Variants in AGBL4 observed in about 807,000 individuals in gnomAD.
AGBL4 encodes the protein cytosolic carboxypeptidase 6.
AGBL4 carries 58 observed loss-of-function variants against 66.4 expected under a neutral mutation model. That is an observed-to-expected ratio of 0.87 (90% CI 0.71 to 1.09). The LOEUF is 1.09. Among genes scored for constraint, AGBL4 ranks in the 50% least tolerant of loss-of-function variants. AGBL4 has a pLI of 0.00. For missense variants in AGBL4, 579 were observed against 631.0 expected (o/e 0.92, Z 0.88); for synonymous variants, 234 against 222.9 (o/e 1.05, Z -0.44).
At chr1:49,465,252 C>CAT in intron 3 of AGBL4, among the ~76,000 whole-genome samples, 1 of 151,164 alleles carries the variant, frequency 6.6e-6, no homozygotes, top group Non-Finnish European at 1.5e-5. Flanking sequence ...CACACACACA[C>CAT]ACACACACAC....
intron 11 of AGBL4, chr1:48,585,384 A>T (rs562050172): frequency 9.0e-4 from 137 of 152,334 alleles, no homozygotes; most frequent in African/African-American, 3.1e-3. Context: ...CCATAATATT[A>T]TGGGAGAGCA....
intron 2 of AGBL4, among the ~76,000 whole-genome samples, chr1:49,799,598 A>G (rs1308898076): frequency 6.6e-6 from 1 of 152,136 alleles, no homozygotes; most frequent in Non-Finnish European, 1.5e-5. Context: ...AGACAGATAC[A>G]TAGTAGAAAG....
At chr1:49,785,812 G>A (rs1381471751) in intron 2 of AGBL4, among the ~76,000 whole-genome samples, 2 of 150,114 alleles carry the variant, frequency 1.3e-5, no homozygotes, top group African/African-American at 2.5e-5. Context: ...AAAAATGAGC[G>A]TTGTCATTAC....
chr1:49,868,466 C>T (rs1250750485), intron 1 of AGBL4, among the ~76,000 whole-genome samples: 2 of 152,078 alleles, frequency 1.3e-5, no homozygotes, highest in Non-Finnish European at 2.9e-5. Context: ...CATCAACAAC[C>T]ATCTGATCTG....
chr1:48,725,717 T>G (rs945180849), intron 6 of AGBL4, among the ~76,000 whole-genome samples: 13 of 152,184 alleles, frequency 8.5e-5, no homozygotes, highest in African/African-American at 3.1e-4. Flanking sequence ...TTATTTAACC[T>G]TTTTTGAGCC....
intron 1 of AGBL4, among the ~76,000 whole-genome samples, chr1:49,887,210 C>T (rs1648157261): frequency 3.5e-5 from 5 of 141,862 alleles, no homozygotes; most frequent in African/African-American, 7.9e-5. Context: ...TATATATATA[C>T]ATTGTGTGTA....
At chr1:48,546,725 A>G (rs956620941) in intron 11 of AGBL4, among the ~76,000 whole-genome samples, 7 of 152,184 alleles carry the variant, frequency 4.6e-5, no homozygotes, top group Non-Finnish European at 8.8e-5. Flanking sequence ...TATATTTAAT[A>G]TCATCTACTA....
At chr1:49,576,435 G>C (rs1049369025) in intron 3 of AGBL4, among the ~76,000 whole-genome samples, 18 of 152,136 alleles carry the variant, frequency 1.2e-4, no homozygotes, top group African/African-American at 4.3e-4. Flanking sequence ...TCACAGAGGA[G>C]GGCTCTGGGA....
intron 3 of AGBL4, among the ~76,000 whole-genome samples, chr1:49,621,808 G>A (rs1164386128): frequency 1.3e-5 from 2 of 152,068 alleles, no homozygotes; most frequent in Non-Finnish European, 2.9e-5. Context: ...ATCTGTGTGT[G>A]GATTTCACAG....
At chr1:49,084,018 A>G (rs892224575) in intron 4 of AGBL4, among the ~76,000 whole-genome samples, 1 of 152,194 alleles carries the variant, frequency 6.6e-6, no homozygotes, top group Non-Finnish European at 1.5e-5. Context: ...TCCAGTTCCC[A>G]ACAAGTTCCT....
chr1:48,788,403 A>AC (rs1645459864), intron 6 of AGBL4, among the ~76,000 whole-genome samples: 1 of 152,214 alleles, frequency 6.6e-6, no homozygotes, highest in African/African-American at 2.4e-5. Context: ...TATGCCACCC[A>AC]CCATCCCTTC....
intron 4 of AGBL4, among the ~76,000 whole-genome samples, chr1:49,198,831 C>G (rs576730001): frequency 4.6e-5 from 7 of 152,002 alleles, no homozygotes; most frequent in African/African-American, 1.5e-4. Flanking sequence ...AGCCTTCAGC[C>G]TTGCTTTTTG....
chr1:49,181,160 G>T (rs770271325), intron 4 of AGBL4, among the ~76,000 whole-genome samples: 10 of 150,714 alleles, frequency 6.6e-5, no homozygotes, highest in Non-Finnish European at 1.0e-4. Context: ...TCCTCAAAAT[G>T]CACTTTCTGC....
chr1:48,648,686 T>C (rs1188756644), intron 8 of AGBL4, among the ~76,000 whole-genome samples: 1 of 152,212 alleles, frequency 6.6e-6, no homozygotes, highest in Non-Finnish European at 1.5e-5. Context: ...CTGAAATGGA[T>C]ACAGTAAAAA....
At chr1:49,146,149 G>T (rs1646214135) in intron 4 of AGBL4, among the ~76,000 whole-genome samples, 1 of 152,076 alleles carries the variant, frequency 6.6e-6, no homozygotes, top group African/African-American at 2.4e-5. Context: ...GACAGTCAAT[G>T]GGTACAAAAA....
chr1:49,847,488 G>C (rs1646179182), intron 2 of AGBL4, among the ~76,000 whole-genome samples: 1 of 152,018 alleles, frequency 6.6e-6, no homozygotes, highest in South Asian at 2.1e-4. Flanking sequence ...GCAGAATTGG[G>C]AGAAAATATC....
intron 6 of AGBL4, among the ~76,000 whole-genome samples, chr1:48,671,780 T>C (rs1450849308): frequency 6.6e-6 from 1 of 152,208 alleles, no homozygotes; most frequent in Non-Finnish European, 1.5e-5. Flanking sequence ...TCACAATTTG[T>C]ATTCCCAGTG....
chr1:49,373,657 A>T (rs888184795), intron 3 of AGBL4, among the ~76,000 whole-genome samples: 8 of 152,126 alleles, frequency 5.3e-5, no homozygotes, highest in Non-Finnish European at 1.0e-4. Flanking sequence ...GGAGAAAAAA[A>T]TTGAGATTTG....
chr1:49,220,480 A>T (rs1649411466), intron 4 of AGBL4, among the ~76,000 whole-genome samples: 1 of 152,138 alleles, frequency 6.6e-6, no homozygotes, highest in South Asian at 2.1e-4. Flanking sequence ...ATTATAGAAA[A>T]GATTTGATTA....
Sources: gnomAD v4.1 joint callset for allele counts (sites outside exome capture counted in the v4.1 genomes callset) on GRCh38, gnomAD v4.1.1 for gene constraint, MANE v1.5 for transcripts, NCBI Gene and HGNC (gene_info 2026-07-23, HGNC 2026-07-21) for gene names.